The following ARHGEF40 variants were observed in gnomAD, a reference collection of about 807,000 sequenced individuals.
The protein encoded by ARHGEF40 is Rho guanine nucleotide exchange factor (GEF) 40.
In ARHGEF40, 98 loss-of-function variants were observed where a neutral mutation model predicts 165.9. The ratio of observed to expected loss-of-function variants is 0.59; its 90% CI spans 0.50 to 0.70. The LOEUF (loss-of-function observed/expected upper bound fraction) is 0.70. Among genes scored for constraint, ARHGEF40 ranks in the 30% least tolerant of loss-of-function variants. The probability of loss-of-function intolerance (pLI) is 0.00; values close to 1 mark genes in which losing one functional copy is unlikely to be tolerated. For missense variants in ARHGEF40, 1,815 were observed against 1,968.0 expected, an observed-to-expected ratio of 0.92 and a Z score of 1.47; for synonymous variants, 792 against 814.3, an observed-to-expected ratio of 0.97 and a Z score of 0.47.
chr14:21,078,162 G>A lies in ARHGEF40; in HGVS notation c.2035-15G>A. On this transcript the variant is annotated splice_polypyrimidine_tract_variant and intron_variant, in intron 8 of 23. Transcript: ENST00000298694. Reference sequence around the variant, plus strand: ...AACTCTGATCCTCAACTCCATCCCTGCATGTGGGTTTCAGGAAGTGGTAAG... The same window carrying A: ...AACTCTGATCCTCAACTCCATCCCTACATGTGGGTTTCAGGAAGTGGTAAG... 1.2e-6 allele frequency: 2 copies of A among 1,607,318 alleles called. No homozygotes were observed. The highest frequency in any genetic ancestry group is 1.3e-5 in the African/African-American group (1 of 74,878).
intron 8 of ARHGEF40, among the ~76,000 whole-genome samples, chr14:21,077,265 C>T (rs1887499727): frequency 6.6e-6 from 1 of 150,412 alleles, no homozygotes; most frequent in Non-Finnish European, 1.5e-5. Context: ...CCACCACACC[C>T]ACCTAGTTTT....
rs1329624099 is a variant in ARHGEF40, at chr14:21,078,174, C to T, written c.2035-3C>T. ...CAACTCCATCCCTGCATGTGGGTTT[C>T]AGGAAGTGGTAAGGCTATGTCGCCT... is the stretch of plus-strand genomic sequence containing the variant. On this transcript the variant is annotated splice_polypyrimidine_tract_variant and splice_region_variant and intron_variant, in intron 8 of 23. Coordinates refer to ENST00000298694, the MANE Select transcript of ARHGEF40 (RefSeq NM_018071.5). The T allele has an allele frequency of 6.2e-7, 1 of 1,610,026 alleles. No homozygotes were observed. Among genetic ancestry groups the T allele is most frequent in the East Asian group, 2.2e-5 (1 of 44,834 alleles).
chr14:21,078,763 C>A, intron 10 of ARHGEF40, 121 bp from the exon 11 acceptor site: 1 of 1,408,338 alleles, frequency 7.1e-7, no homozygotes, highest in Non-Finnish European at 9.7e-7. Flanking sequence ...AGGGTTCAGC[C>A]CATGCTTTTG....
chr14:21,068,903 G>A (rs61184752), upstream of ARHGEF40, among the ~76,000 whole-genome samples: 6,282 of 152,340 alleles, frequency 0.041, 425 homozygotes, highest in African/African-American at 0.14. Context: ...GAGGAGGTGA[G>A]AGAAGAGCAA....
chr14:21,071,333 C>T (rs964208747), intron 1 of ARHGEF40, among the ~76,000 whole-genome samples: 24 of 151,718 alleles, frequency 1.6e-4, no homozygotes, highest in Non-Finnish European at 2.9e-4. Context: ...GCAAAGAGGG[C>T]GGGGGCATGG....
At chr14:21,087,730 C>G in intron 21 of ARHGEF40, 2 of 685,324 alleles carry the variant, frequency 2.9e-6, no homozygotes. Flanking sequence ...CCTGTTGTAC[C>G]CTCCTGGTTC....
At chr14:21,068,335 C>T (rs1432068550), upstream of ARHGEF40, among the ~76,000 whole-genome samples, 2 of 151,884 alleles carry the variant, frequency 1.3e-5, no homozygotes, top group African/African-American at 4.8e-5. Flanking sequence ...AAAAATGATC[C>T]ACTCCCTTTT....
chr14:21,080,578 G>T, intron 11 of ARHGEF40, 82 bp from the exon 12 acceptor site: 1 of 1,472,674 alleles, frequency 6.8e-7, no homozygotes, highest in Non-Finnish European at 9.2e-7. Context: ...ATAGATTGGG[G>T]TGGTGGGGCT....
chr14:21,087,690 C>G (rs1023679837), intron 21 of ARHGEF40: 1 of 714,078 alleles, frequency 1.4e-6, no homozygotes, highest in African/African-American at 1.8e-5. Flanking sequence ...TCTAGCTCTT[C>G]TTGGGTTTCT....
Position 21,081,826 on chromosome 14 carries a change from G to T in ARHGEF40, c.2958G>T (p.Ser986=), listed in dbSNP as rs771900988. The change falls in exon 14 of 24, where the codon TCG becomes TCT. Residue 986 remains serine (S), a synonymous_variant. Transcript: ENST00000298694. The part of the protein sequence containing the change: ...GGAQWGPRSP[S]PSLSSLLLPS... ...CCCAGTGGGGGCCCCGCAGCCCCTCGCCCAGCCTCAGCTCCTTGCTGCTCC... is the reference window on the plus strand; with the variant it reads ...CCCAGTGGGGGCCCCGCAGCCCCTCTCCCAGCCTCAGCTCCTTGCTGCTCC... 1.6e-5 allele frequency: 25 copies of T among 1,607,842 alleles called. No homozygotes were observed. Among genetic ancestry groups the T allele is most frequent in the Non-Finnish European group, 2.0e-5 (24 of 1,177,916 alleles).
Position 21,074,562 on chromosome 14 carries a change from G to A in ARHGEF40, c.832G>A (p.Gly278Arg), listed in dbSNP as rs1284957781. 1.9e-6 allele frequency: 3 copies of A among 1,554,272 alleles called. No homozygotes were observed. Among genetic ancestry groups the A allele is most frequent in the African/African-American group, 2.7e-5 (2 of 73,452 alleles). Residue 278 changes from glycine to arginine, a missense_variant, in exon 3 of 24, where the codon GGA (glycine) becomes AGA (arginine). Gly to Arg is a moderately radical substitution (Grantham distance 125, BLOSUM62 -2). Coordinates refer to ENST00000298694, the MANE Select transcript of ARHGEF40 (RefSeq NM_018071.5). This position sits in a 1 kb window ranked among gnomAD's most constrained non-coding sequence, Gnocchi z 4.8. ...GACGGTACCCACCCGCAAGGGCGCT[G>A]GAGGGAAGGGCCGCCACCGGAGACA... Reference protein sequence around the residue: ...VRTVPTRKGAGGKGRHRRHRA... With the variant: ...VRTVPTRKGARGKGRHRRHRA...
At position 21,073,051 on chromosome 14, in the gene ARHGEF40, G is replaced by A. The variant is rs1384297087; in HGVS notation, c.10G>A (p.Glu4Lys). MEP[E>K]PVEDCVQSTL... The stretch of plus-strand genomic sequence containing the variant: ...CCTGGTCCTATCTCTACAGGAGCCT[G>A]AGCCAGTGGAGGACTGTGTGCAGAG... Residue 4 changes from glutamate (E) to lysine (K), a missense_variant, in exon 2 of 24, where the codon GAG (glutamate) becomes AAG (lysine). By Grantham distance (56) the Glu-to-Lys change is moderately conservative (BLOSUM62 1). Transcript: ENST00000298694. The surrounding 1 kb of genome is among the most constrained non-coding windows in gnomAD (Gnocchi z 4.6). 7 of 1,613,708 alleles carry A rather than the reference G, an allele frequency of 4.3e-6. No homozygotes were observed. The highest frequency in any genetic ancestry group is 1.7e-6 in the Non-Finnish European group (2 of 1,179,796).
upstream of ARHGEF40, among the ~76,000 whole-genome samples, chr14:21,066,537 T>C (rs750932163): frequency 2.6e-4 from 40 of 152,212 alleles, no homozygotes; most frequent in Non-Finnish European, 4.6e-4. Flanking sequence ...GGTTTCCCCA[T>C]GTTGGCCAGG....
At chr14:21,078,863 T>C (rs751392917) in intron 10 of ARHGEF40, 21 bp from the exon 11 acceptor site, 28 of 1,605,794 alleles carry the variant, frequency 1.7e-5, no homozygotes, top group Non-Finnish European at 2.1e-5. Flanking sequence ...AATGATTCAT[T>C]CTTCTCTGCT....
At position 21,078,505 on chromosome 14, in the gene ARHGEF40, T is replaced by G. The variant is rs1451576020; in HGVS notation, c.2246+17T>G. ...CAGCAGCAAGTACGAAGTATGGGTG[T>G]GCGGAGGCAGGTGGAAGTGGGAGGT... On this transcript the variant is annotated intron_variant, in intron 10 of 23. Transcript: ENST00000298694. 3 of 1,542,870 alleles carry G rather than the reference T, an allele frequency of 1.9e-6. No individual in the cohort carries two copies. The South Asian group carries it at 3.7e-5, about 19-fold the overall frequency.
Position 21,088,864 on chromosome 14 carries a change from C to T in ARHGEF40, c.4553C>T (p.Pro1518Leu), listed in dbSNP as rs1888604469. The T allele has an allele frequency of 6.2e-7, 1 of 1,613,120 alleles. No homozygotes were observed. Among genetic ancestry groups the T allele is most frequent in the Non-Finnish European group, 8.5e-7 (1 of 1,179,318 alleles). ...CGAGCCCTGAGTGACCCCACCACGC[C>T]TCTGTGACCTGGGTGAGTCAGCATC... ...HARALSDPTT[P>L]L The change falls in exon 23 of 24, where the codon CCT (proline) becomes CTT (leucine). Residue 1518 changes from proline to leucine, a missense_variant. By Grantham distance (98) the Pro-to-Leu change is moderately conservative. Coordinates refer to ENST00000298694, the MANE Select transcript of ARHGEF40 (RefSeq NM_018071.5).
Position 21,089,944 on chromosome 14 carries a change from G to T in ARHGEF40, c.*936G>T, listed in dbSNP as rs181192302. ...TCAGAGCTACTGCATCGAAACCTGG[G>T]GGTAAAACCCAATATTCTGCATTTC... On this transcript the variant is annotated 3_prime_UTR_variant, in exon 24 of 24. Transcript: ENST00000298694. 123 of 221,128 alleles carry T rather than the reference G, an allele frequency of 5.6e-4. 1 individual carries two copies. In the Middle Eastern group the frequency reaches 7.4e-3, roughly 13 times the overall value. 13.7% of individuals were successfully genotyped at this position (221,128 alleles called of 1,614,324 possible).
In ARHGEF40 at chr14:21,085,697, T is replaced by C. The variant is rs2139264695; in HGVS notation, c.3969T>C (p.Asp1323=). 1 of 1,613,802 alleles carries C rather than the reference T, an allele frequency of 6.2e-7. No homozygotes were observed. The highest frequency in any genetic ancestry group is 8.5e-7 in the Non-Finnish European group (1 of 1,180,022). The change falls in exon 19 of 24, where the codon GAT becomes GAC. Residue 1323 remains aspartate (D), a synonymous_variant. Coordinates refer to ENST00000298694, the MANE Select transcript of ARHGEF40 (RefSeq NM_018071.5). ...CCTCTGCTCTTCCTCAGACTGCTGATATGGGGCTGACAGAAAACATCGGGG... is the reference window on the plus strand; with the variant it reads ...CCTCTGCTCTTCCTCAGACTGCTGACATGGGGCTGACAGAAAACATCGGGG... ...FVYKQAFKTA[D]MGLTENIGDS...
intron 16 of ARHGEF40, 145 bp downstream of exon 16, chr14:21,083,062 C>T: frequency 1.4e-6 from 1 of 738,940 alleles, no homozygotes; most frequent in Non-Finnish European, 2.3e-6. Context: ...GAGGGTGGGA[C>T]AAGCACCGGA....
Sources: allele counts gnomAD v4.1 joint callset (sites outside exome capture counted in the v4.1 genomes callset), GRCh38; gene constraint gnomAD v4.1.1; non-coding constraint Gnocchi (gnomAD v3.1); transcripts MANE v1.5; gene names NCBI Gene and HGNC (gene_info 2026-07-23, HGNC 2026-07-21).